FOXJ3: variants seen among roughly 807,000 people sequenced by gnomAD.
The protein encoded by FOXJ3 is forkhead box J3.
In FOXJ3, 22 loss-of-function variants were observed where a neutral mutation model predicts 76.1. The observed-to-expected ratio is 0.29, with a 90% CI of 0.21 to 0.41. The LOEUF (loss-of-function observed/expected upper bound fraction) is 0.41, where lower values mean the gene tolerates loss of function less well. Among genes scored for constraint, FOXJ3 ranks in the 10% least tolerant of loss-of-function variants. The probability of loss-of-function intolerance (pLI) is 1.00; values close to 1 mark genes in which losing one functional copy is unlikely to be tolerated. For synonymous variants in FOXJ3, 269 were observed against 261.2 expected (o/e 1.03, Z -0.29); for missense variants, 613 against 762.1 (o/e 0.80, Z 2.30).
At chr1:42,248,597 T>A (rs1397577780) in intron 4 of FOXJ3, among the ~76,000 whole-genome samples, 1 of 151,882 alleles carries the variant, frequency 6.6e-6, no homozygotes, top group African/African-American at 2.4e-5. Flanking sequence ...AAAAAACATT[T>A]TTTTGATCTA....
chr1:42,320,102 A>G (rs949898142), intron 1 of FOXJ3, among the ~76,000 whole-genome samples: 3 of 152,180 alleles, frequency 2.0e-5, no homozygotes, highest in Admixed American at 1.3e-4. Flanking sequence ...TAGAAGATGA[A>G]AAAAAATCAG....
chr1:42,308,791 A>G (rs1181630113), intron 2 of FOXJ3, among the ~76,000 whole-genome samples: 1 of 152,178 alleles, frequency 6.6e-6, no homozygotes, highest in African/African-American at 2.4e-5. Context: ...CTTCTCTTTC[A>G]TCAAACAAAA....
At chr1:42,248,684 A>T (rs1006173328) in intron 4 of FOXJ3, among the ~76,000 whole-genome samples, 1 of 151,074 alleles carries the variant, frequency 6.6e-6, no homozygotes, top group Admixed American at 6.6e-5. Context: ...TTCACAAAGC[A>T]AAGCCAGTGA....
rs180919936 is a variant in FOXJ3, at chr1:42,237,358, G to A, written c.445-9392C>T. Reference sequence around the variant, plus strand: ...CCACTGCACTCCAGCCTGGGCAACAGGGCAAGACTCCATCTCAAAAAATAT... The same window carrying A: ...CCACTGCACTCCAGCCTGGGCAACAAGGCAAGACTCCATCTCAAAAAATAT... On this transcript the variant is annotated intron_variant, in intron 4 of 12. Transcript: ENST00000361346. 4.1e-3 allele frequency among the ~76,000 whole-genome samples: 612 copies of A among 149,510 alleles called. 3 individuals are homozygous for A. Among genetic ancestry groups the A allele is most frequent in the African/African-American group, 0.014 (570 of 40,720 alleles).
chr1:42,322,769 T>G (rs898994412), intron 1 of FOXJ3, among the ~76,000 whole-genome samples: 1 of 152,038 alleles, frequency 6.6e-6, no homozygotes, highest in Non-Finnish European at 1.5e-5. Flanking sequence ...TGTTGTAAAT[T>G]AAGATGAGAA....
rs1305751914 is a variant in FOXJ3, at chr1:42,191,379, C to T, written c.1275G>A (p.Gln425=). 6.2e-7 allele frequency: 1 copy of T among 1,603,292 alleles called. No homozygotes were observed. The highest frequency in any genetic ancestry group is 1.1e-5 in the South Asian group (1 of 89,754). Reference sequence around the variant, plus strand: ...TCTGATGCTGATGGTTCGGATGGTGCTGTATGTGTTGATGTGGAGAGGGAT... The same window carrying T: ...TCTGATGCTGATGGTTCGGATGGTGTTGTATGTGTTGATGTGGAGAGGGAT... ...PQHPSPHQHI[Q]HHPNHQHQTL... is the part of the protein sequence containing the mutation. Residue 425 remains glutamine, a synonymous_variant, in exon 9 of 13, where the codon CAG becomes CAA. Transcript: ENST00000361346.
At chr1:42,275,330 T>A (rs1447324459) in intron 3 of FOXJ3, among the ~76,000 whole-genome samples, 1 of 152,162 alleles carries the variant, frequency 6.6e-6, no homozygotes, top group African/African-American at 2.4e-5. Context: ...ATAACTCCCT[T>A]CCTCTACATG....
chr1:42,310,148 GGTT>G (rs1042210734), intron 2 of FOXJ3, among the ~76,000 whole-genome samples: 19 of 151,200 alleles, frequency 1.3e-4, no homozygotes, highest in Non-Finnish European at 2.7e-4. Flanking sequence ...AGCAGGTTTA[GGTT>G]TTTTTTTTTT....
At chr1:42,200,386 T>G (rs1557631831) in intron 6 of FOXJ3, among the ~76,000 whole-genome samples, 1 of 152,242 alleles carries the variant, frequency 6.6e-6, no homozygotes, top group Non-Finnish European at 1.5e-5. Context: ...CTTTTTAAAA[T>G]TCATTTTTTT....
chr1:42,261,585 T>C (rs946076412), intron 4 of FOXJ3, among the ~76,000 whole-genome samples: 1 of 152,164 alleles, frequency 6.6e-6, no homozygotes, highest in African/African-American at 2.4e-5. Context: ...ACATCTATGA[T>C]TCAACAATAC....
At chr1:42,230,550 T>C (rs932465856) in intron 4 of FOXJ3, among the ~76,000 whole-genome samples, 12 of 152,214 alleles carry the variant, frequency 7.9e-5, no homozygotes, top group African/African-American at 2.4e-4. Context: ...TTTGTAATAA[T>C]TTTAATAATT....
chr1:42,324,814 G>C (rs1169279760), intron 1 of FOXJ3, among the ~76,000 whole-genome samples: 1 of 152,170 alleles, frequency 6.6e-6, no homozygotes, highest in Non-Finnish European at 1.5e-5. Flanking sequence ...TTGCAGGACT[G>C]GCAGTTGCTC....
At chr1:42,288,348 A>G (rs1354936597) in intron 2 of FOXJ3, among the ~76,000 whole-genome samples, 1 of 152,208 alleles carries the variant, frequency 6.6e-6, no homozygotes, top group Non-Finnish European at 1.5e-5. Context: ...ACATATGTCC[A>G]CTAATTTTGT....
intron 7 of FOXJ3, 22 bp from the exon 8 acceptor site, chr1:42,195,086 A>T: frequency 6.4e-7 from 1 of 1,567,218 alleles, no homozygotes; most frequent in Non-Finnish European, 8.7e-7. Context: ...AGAAAACACA[A>T]CTAATTCAGC....
At chr1:42,302,894 C>T (rs989266858) in intron 2 of FOXJ3, among the ~76,000 whole-genome samples, 1 of 151,336 alleles carries the variant, frequency 6.6e-6, no homozygotes, top group African/African-American at 2.4e-5. Context: ...TTCTCCATCT[C>T]CCTGAAATAA....
chr1:42,184,729 G>C (rs1167580524), intron 11 of FOXJ3, among the ~76,000 whole-genome samples: 1 of 152,136 alleles, frequency 6.6e-6, no homozygotes, highest in Non-Finnish European at 1.5e-5. Context: ...CTGCTGAGTA[G>C]TGGTGCCATT....
intron 4 of FOXJ3, among the ~76,000 whole-genome samples, chr1:42,242,467 T>A (rs1221432097): frequency 6.6e-6 from 1 of 151,098 alleles, no homozygotes; most frequent in African/African-American, 2.4e-5. Flanking sequence ...TCAATGAAAT[T>A]CTAAAAATTC....
chr1:42,216,149 A>T lies in FOXJ3; in HGVS notation c.529-10286T>A, dbSNP rs186872151. On this transcript the variant is annotated intron_variant, in intron 5 of 12. Coordinates refer to ENST00000361346, the MANE Select transcript of FOXJ3 (RefSeq NM_014947.5). Reference sequence around the variant, plus strand: ...TAAGAAAGTTCTTTAGGCAGGGGGAAATTATAGCAAAGAAAAAACCTGGAC... The same window carrying T: ...TAAGAAAGTTCTTTAGGCAGGGGGATATTATAGCAAAGAAAAAACCTGGAC... Among the ~76,000 whole-genome samples, 4 of 152,290 alleles carry T rather than the reference A, an allele frequency of 2.6e-5. 1 individual carries two copies. Among genetic ancestry groups the T allele is most frequent in the African/African-American group, 9.6e-5 (4 of 41,556 alleles).
chr1:42,224,881 G>T lies in FOXJ3; in HGVS notation c.528+3002C>A, dbSNP rs1647422939. On this transcript the variant is annotated intron_variant, in intron 5 of 12. Coordinates refer to ENST00000361346, the MANE Select transcript of FOXJ3 (RefSeq NM_014947.5). ...GTGGGTGGACTGCTTGAGCCCAGGAGTTTGAGACCAGCCTCGGCAACATGG... is the reference window on the plus strand; with the variant it reads ...GTGGGTGGACTGCTTGAGCCCAGGATTTTGAGACCAGCCTCGGCAACATGG... Among the ~76,000 whole-genome samples the T allele has an allele frequency of 2.0e-5, 3 of 151,950 alleles. No individual in the cohort carries two copies. In the South Asian group the frequency reaches 6.3e-4, roughly 32 times the overall value.
Sources: allele counts gnomAD v4.1 joint callset (sites outside exome capture counted in the v4.1 genomes callset), GRCh38; gene constraint gnomAD v4.1.1; transcripts MANE v1.5; gene names NCBI Gene and HGNC (gene_info 2026-07-23, HGNC 2026-07-21).